ABLIM2: variants seen among roughly 807,000 people sequenced by gnomAD.
ABLIM2 encodes actin binding LIM protein family member 2, also known as actin-binding LIM protein 2.
Under a neutral mutation model 97.7 loss-of-function variants are expected in ABLIM2, and 53 were observed. That is an observed-to-expected ratio of 0.54 (90% CI 0.44 to 0.68). The LOEUF is 0.68. Ranked by LOEUF, ABLIM2 falls within the 30% of genes least tolerant of loss-of-function variation. ABLIM2 has a pLI of 0.00. For missense variants in ABLIM2, 835 were observed against 867.2 expected (o/e 0.96, Z 0.47); for synonymous variants, 361 against 345.8 (o/e 1.04, Z -0.49).
At position 8,089,853 on chromosome 4, in the gene ABLIM2, G is replaced by C. The variant is rs116396068; in HGVS notation, c.339-1569C>G. Among the ~76,000 whole-genome samples the C allele has an allele frequency of 3.5e-3, 527 of 152,096 alleles. 1 individual carries two copies. Among genetic ancestry groups the C allele is most frequent in the Non-Finnish European group, 5.7e-3 (386 of 67,998 alleles). ...TGAATGAATGGGTGAATAAGTGAAG[G>C]ACTGAAGCTCTCCTAGGGGGCCACG... On this transcript the variant is annotated intron_variant, in intron 3 of 20. Coordinates refer to ENST00000447017, the MANE Select transcript of ABLIM2 (RefSeq NM_001130083.2).
rs943728149 is a variant in ABLIM2 at position 8,113,631 on chromosome 4, C to T, written c.11-6994G>A. 6.6e-6 allele frequency among the ~76,000 whole-genome samples: 1 copy of T among 152,214 alleles called. No individual in the cohort carries two copies. The highest frequency in any genetic ancestry group is 1.5e-5 in the Non-Finnish European group (1 of 68,046). ...ACTCACACAGGGGAAAACTTGGGGT[C>T]CACCCATGGCAGGGGTTCTCATCGG... is the stretch of plus-strand genomic sequence containing the variant. On this transcript the variant is annotated intron_variant, in intron 1 of 20. Coordinates refer to ENST00000447017, the MANE Select transcript of ABLIM2 (RefSeq NM_001130083.2). This position sits in a 1 kb window ranked among gnomAD's most constrained non-coding sequence, Gnocchi z 4.5.
At chr4:8,077,504 T>C (rs1816982241) in intron 6 of ABLIM2, 124 bp downstream of exon 6, 1 of 947,680 alleles carries the variant, frequency 1.1e-6, no homozygotes, top group Admixed American at 2.2e-5. Flanking sequence ...CTGGCAGGAA[T>C]AGGGAGGTGA....
At chr4:8,040,456 CA>C (rs1349375738) in intron 9 of ABLIM2, among the ~76,000 whole-genome samples, 3 of 152,026 alleles carry the variant, frequency 2.0e-5, no homozygotes, top group Non-Finnish European at 4.4e-5. Context: ...ACTAAAAATA[CA>C]AAAGTTAGCC....
chr4:8,053,523 G>T (rs1383357218), intron 8 of ABLIM2, among the ~76,000 whole-genome samples: 2 of 152,192 alleles, frequency 1.3e-5, no homozygotes, highest in Non-Finnish European at 1.5e-5. Flanking sequence ...CATGAGGGGG[G>T]TCTTGGGGAC....
At chr4:8,114,401 CT>C (rs1419195780) in intron 1 of ABLIM2, among the ~76,000 whole-genome samples, 4 of 152,224 alleles carry the variant, frequency 2.6e-5, no homozygotes, top group Non-Finnish European at 4.4e-5. Flanking sequence ...GCCACACTGT[CT>C]TTTCGGGGAC....
At position 8,083,269 on chromosome 4, in the gene ABLIM2, G is replaced by A. The variant is rs1307061213; in HGVS notation, c.455-2467C>T. On this transcript the variant is annotated intron_variant, in intron 4 of 20. Coordinates refer to ENST00000447017, the MANE Select transcript of ABLIM2 (RefSeq NM_001130083.2). This position sits in a 1 kb window ranked among gnomAD's most constrained non-coding sequence, Gnocchi z 4.6. ...ATGCCCCCCACCGGCTGTGACCTGG[G>A]GAAGTCACTTCACCTCTCTGTGCCC... Among the ~76,000 whole-genome samples, 1 of 152,172 alleles carries A rather than the reference G, an allele frequency of 6.6e-6. No individual in the cohort carries two copies. Among genetic ancestry groups the A allele is most frequent in the African/African-American group, 2.4e-5 (1 of 41,434 alleles).
chr4:7,982,885 G>C (rs1739919352), intron 20 of ABLIM2, among the ~76,000 whole-genome samples: 1 of 152,136 alleles, frequency 6.6e-6, no homozygotes, highest in African/African-American at 2.4e-5. Context: ...TGTATTTTTA[G>C]TAGAGAGGGG....
In ABLIM2 at chr4:8,113,071, CCT is replaced by C. The variant is rs774320208; in HGVS notation, c.11-6436_11-6435del. ...GCTCTCACGACCCAGACAGCAGAGT[CCT>C]CATCATTCCGTGATCTCTGGGAATC... On this transcript the variant is annotated intron_variant, in intron 1 of 20. Transcript: ENST00000447017. This position sits in a 1 kb window ranked among gnomAD's most constrained non-coding sequence, Gnocchi z 4.5. Among the ~76,000 whole-genome samples the C allele has an allele frequency of 1.3e-5, 2 of 152,128 alleles. No homozygotes were observed. The highest frequency in any genetic ancestry group is 2.9e-5 in the Non-Finnish European group (2 of 68,016).
At chr4:8,066,117 C>T (rs1168792649) in intron 6 of ABLIM2, among the ~76,000 whole-genome samples, 9 of 150,022 alleles carry the variant, frequency 6.0e-5, no homozygotes, top group Non-Finnish European at 1.2e-4. Flanking sequence ...CTGGCTAACA[C>T]GGTGAAACCC....
At chr4:8,013,430 G>T (rs1030377973) in intron 14 of ABLIM2, among the ~76,000 whole-genome samples, 5 of 152,024 alleles carry the variant, frequency 3.3e-5, no homozygotes, top group Non-Finnish European at 5.9e-5. Flanking sequence ...CACCATGTTG[G>T]TCAGGCTGGT....
intron 1 of ABLIM2, among the ~76,000 whole-genome samples, chr4:8,110,816 G>T (rs936590673): frequency 6.6e-6 from 1 of 152,204 alleles, no homozygotes; most frequent in Non-Finnish European, 1.5e-5. Flanking sequence ...TAGACATTGC[G>T]CCGTGGGGAC....
In ABLIM2 at chr4:8,044,853, T is replaced by A. The variant is rs904089805; in HGVS notation, c.900+311A>T. On this transcript the variant is annotated intron_variant, in intron 9 of 20. Coordinates refer to ENST00000447017, the MANE Select transcript of ABLIM2 (RefSeq NM_001130083.2). This position sits in a 1 kb window ranked among gnomAD's most constrained non-coding sequence, Gnocchi z 4.4. The stretch of plus-strand genomic sequence containing the variant: ...TGTCTGGCAAGCCCCAACTGTCGGC[T>A]GTTGATGTGACGTGTCTGCACCACT... Among the ~76,000 whole-genome samples the A allele has an allele frequency of 2.0e-5, 3 of 152,218 alleles. No homozygotes were observed. Among genetic ancestry groups the A allele is most frequent in the East Asian group, 1.9e-4 (1 of 5,198 alleles).
chr4:8,074,304 T>C (rs1471033201), intron 6 of ABLIM2, among the ~76,000 whole-genome samples: 1 of 151,946 alleles, frequency 6.6e-6, no homozygotes, highest in African/African-American at 2.4e-5. Context: ...AAATTTTAAA[T>C]ACTATCCAAG....
chr4:8,106,488 A>C lies in ABLIM2; in HGVS notation c.154+6T>G. ...GCCACACTGCAGGGGACCGGGGGACACTCACCTTTACAGACGAAGCACTTG... is the reference window on the plus strand; with the variant it reads ...GCCACACTGCAGGGGACCGGGGGACCCTCACCTTTACAGACGAAGCACTTG... On this transcript the variant is annotated splice_donor_region_variant and intron_variant, in intron 2 of 20. Coordinates refer to ENST00000447017, the MANE Select transcript of ABLIM2 (RefSeq NM_001130083.2). 1 of 1,590,430 alleles carries C rather than the reference A, an allele frequency of 6.3e-7. No homozygotes were observed. Among genetic ancestry groups the C allele is most frequent in the Non-Finnish European group, 8.6e-7 (1 of 1,168,482 alleles).
intron 1 of ABLIM2, among the ~76,000 whole-genome samples, chr4:8,116,835 C>T (rs1245482736): frequency 2.0e-5 from 3 of 152,178 alleles, no homozygotes; most frequent in Non-Finnish European, 4.4e-5. Context: ...ATACTAGGTC[C>T]CAAACTGTTC....
At chr4:8,133,148 T>C (rs574527784) in intron 1 of ABLIM2, among the ~76,000 whole-genome samples, 2 of 152,294 alleles carry the variant, frequency 1.3e-5, no homozygotes, top group South Asian at 4.1e-4. Context: ...CGATGTCACG[T>C]GGCCTCCTCC....
At chr4:8,097,752 G>A (rs1283997463) in intron 2 of ABLIM2, among the ~76,000 whole-genome samples, 1 of 152,076 alleles carries the variant, frequency 6.6e-6, no homozygotes, top group Admixed American at 6.5e-5. Flanking sequence ...GACAGACCAG[G>A]TCCTTGTGGT....
intron 14 of ABLIM2, among the ~76,000 whole-genome samples, chr4:8,016,244 A>G (rs916972752): frequency 1.3e-5 from 2 of 151,962 alleles, no homozygotes; most frequent in Non-Finnish European, 2.9e-5. Context: ...GGGTTTTGCC[A>G]TGTTGGCCAG....
At position 7,966,594 on chromosome 4, in the gene ABLIM2, C is replaced by CGT; in HGVS notation, c.*395_*396insAC. 1 of 183,788 alleles carries CGT rather than the reference C, an allele frequency of 5.4e-6. No homozygotes were observed. Among genetic ancestry groups the CGT allele is most frequent in the Non-Finnish European group, 1.1e-5 (1 of 87,606 alleles). 11.4% of individuals were successfully genotyped at this position (183,788 alleles called of 1,614,324 possible). A position where few individuals can be genotyped will look rare whatever the true frequency, so the allele number is the denominator to read the frequency against. ...CACCCCCGATGATGGTGTCAGCAAC[C>CGT]ATCATCAACAAGCCTCACAGCTCAC... On this transcript the variant is annotated 3_prime_UTR_variant, in exon 21 of 21. Coordinates refer to ENST00000447017, the MANE Select transcript of ABLIM2 (RefSeq NM_001130083.2).
Sources: allele counts gnomAD v4.1 joint callset (sites outside exome capture counted in the v4.1 genomes callset), GRCh38; gene constraint gnomAD v4.1.1; non-coding constraint Gnocchi (gnomAD v3.1); transcripts MANE v1.5; gene names NCBI Gene and HGNC (gene_info 2026-07-23, HGNC 2026-07-21).